Variants in MLIP observed in about 807,000 individuals in gnomAD.
MLIP encodes the protein muscular LMNA interacting protein.
MLIP carries 79 observed loss-of-function variants against 84.8 expected under a neutral mutation model. The observed-to-expected ratio is 0.93, with a 90% CI of 0.78 to 1.12. MLIP has a LOEUF of 1.12. Ranked by LOEUF, MLIP falls within the 50% of genes most tolerant of loss-of-function variation. The probability of loss-of-function intolerance (pLI) is 0.00; values close to 1 mark genes in which losing one functional copy is unlikely to be tolerated. For synonymous variants in MLIP, 504 were observed against 463.0 expected (o/e 1.09, Z -1.14); for missense variants, 1,257 against 1,160.6 (o/e 1.08, Z -1.21).
chr6:54,112,277 A>AT (rs1316175262), intron 1 of MLIP, among the ~76,000 whole-genome samples: 3 of 152,148 alleles, frequency 2.0e-5, no homozygotes, highest in African/African-American at 7.2e-5. Flanking sequence ...AACAGCAAAT[A>AT]TTTTTTTGTT....
chr6:54,070,901 C>T lies in MLIP; in HGVS notation c.64-50546C>T, dbSNP rs188626668. On this transcript the variant is annotated intron_variant, in intron 1 of 12. Transcript: ENST00000274897. ...ATGTCACAGATAGTGCCTAATTCTA[C>T]ACTGGTTGATTGATTATATTCATAA... Among the ~76,000 whole-genome samples the T allele has an allele frequency of 2.3e-3, 343 of 152,186 alleles. 1 individual carries two copies. Among genetic ancestry groups the T allele is most frequent in the African/African-American group, 7.1e-3 (294 of 41,534 alleles).
intron 8 of MLIP, among the ~76,000 whole-genome samples, chr6:54,167,074 C>T (rs1308181231): frequency 2.6e-5 from 4 of 151,908 alleles, no homozygotes; most frequent in Admixed American, 2.0e-4. Flanking sequence ...GGCTTCTGCA[C>T]TACTGAGCCA....
intron 8 of MLIP, among the ~76,000 whole-genome samples, chr6:54,164,164 A>G (rs1159590809): frequency 1.3e-5 from 2 of 151,850 alleles, no homozygotes; most frequent in African/African-American, 4.8e-5. Context: ...GTTACCTTCT[A>G]TGACCTTTCA....
intron 10 of MLIP, among the ~76,000 whole-genome samples, chr6:54,198,147 T>C (rs568970406): frequency 6.6e-6 from 1 of 152,258 alleles, no homozygotes; most frequent in East Asian, 1.9e-4. Context: ...TTTCAACTTT[T>C]AATGTGTACA....
At chr6:54,071,753 T>C (rs1435383302) in intron 1 of MLIP, among the ~76,000 whole-genome samples, 1 of 152,192 alleles carries the variant, frequency 6.6e-6, no homozygotes, top group Non-Finnish European at 1.5e-5. Context: ...ATGAGCTATG[T>C]CTTGTAATTT....
chr6:54,216,471 G>T, intron 11 of MLIP: 1 of 985,322 alleles, frequency 1.0e-6, no homozygotes, highest in South Asian at 4.7e-5. Context: ...CTTTTCCCTT[G>T]AGTGTACCTC....
intron 1 of MLIP, chr6:54,031,742 A>G (rs1764153822): frequency 6.6e-6 from 1 of 152,224 alleles, no homozygotes; most frequent in South Asian, 2.1e-4. Context: ...TTGTTCATGG[A>G]AAATGAGAGA....
Position 54,115,221 on chromosome 6 carries a change from A to G in MLIP, c.96+3646A>G, listed in dbSNP as rs150686458. On this transcript the variant is annotated intron_variant, in intron 1 of 13. Coordinates refer to ENST00000502396, the MANE Select transcript of MLIP (RefSeq NM_001281747.2). ...CCAGGCATGTTTACCTTCCTGGTTC[A>G]GAAATAGAGTAGGTAGGGGATTAGA... is the stretch of plus-strand genomic sequence containing the variant. Among the ~76,000 whole-genome samples, 44 of 152,276 alleles carry G rather than the reference A, an allele frequency of 2.9e-4. No individual in the cohort carries two copies. The East Asian group carries it at 6.0e-3, about 21-fold the overall frequency.
intron 1 of MLIP, among the ~76,000 whole-genome samples, chr6:54,033,921 C>T (rs542957441): frequency 1.8e-4 from 27 of 152,250 alleles, no homozygotes; most frequent in African/African-American, 6.5e-4. Context: ...CTTTAACATT[C>T]TTCTAAATTT....
chr6:54,228,838 C>G (rs1780785223), intron 11 of MLIP, among the ~76,000 whole-genome samples: 1 of 152,214 alleles, frequency 6.6e-6, no homozygotes, highest in Non-Finnish European at 1.5e-5. Flanking sequence ...CTGTCCTTTT[C>G]TCACATAGTT....
intron 1 of MLIP, among the ~76,000 whole-genome samples, chr6:54,102,553 T>C (rs909823562): frequency 2.6e-5 from 4 of 152,146 alleles, no homozygotes; most frequent in Non-Finnish European, 5.9e-5. Flanking sequence ...TTTTTATATG[T>C]GGTATATCTT....
chr6:54,198,730 A>G (rs532554919), intron 10 of MLIP, among the ~76,000 whole-genome samples: 1 of 152,254 alleles, frequency 6.6e-6, no homozygotes, highest in South Asian at 2.1e-4. Flanking sequence ...AAAAACTAAA[A>G]TCTATGTCCA....
intron 1 of MLIP, among the ~76,000 whole-genome samples, chr6:54,087,871 T>A (rs1256922544): frequency 6.6e-6 from 1 of 151,580 alleles, no homozygotes; most frequent in Non-Finnish European, 1.5e-5. Flanking sequence ...TGCCAGAAGA[T>A]CCATCTGCCA....
chr6:54,038,362 T>C (rs915342136), intron 1 of MLIP, among the ~76,000 whole-genome samples: 1 of 151,856 alleles, frequency 6.6e-6, no homozygotes, highest in Non-Finnish European at 1.5e-5. Context: ...ATGGTTTGGA[T>C]TAGTGTTTGT....
At chr6:54,047,848 A>G (rs2150312405) in intron 1 of MLIP, among the ~76,000 whole-genome samples, 1 of 152,348 alleles carries the variant, frequency 6.6e-6, no homozygotes, top group Non-Finnish European at 1.5e-5. Context: ...AGAGATTTTC[A>G]TTGTCCCCCT....
At chr6:54,248,728 C>T (rs936269803) in intron 12 of MLIP, among the ~76,000 whole-genome samples, 9 of 152,050 alleles carry the variant, frequency 5.9e-5, no homozygotes, top group Non-Finnish European at 1.0e-4. Flanking sequence ...AGGAGTTTTC[C>T]GTCATATTTC....
chr6:54,215,582 T>G, intron 11 of MLIP: 2 of 202,632 alleles, frequency 9.9e-6, no homozygotes, highest in Non-Finnish European at 1.8e-5. Flanking sequence ...AATGTAACTA[T>G]TAATGTACTA....
Position 54,174,733 on chromosome 6 carries a change from TAGA to T in MLIP, c.2544+5164_2544+5166del, listed in dbSNP as rs1776111278. On this transcript the variant is annotated intron_variant, in intron 9 of 13. Coordinates refer to ENST00000502396, the MANE Select transcript of MLIP (RefSeq NM_001281747.2). Reference sequence around the variant, plus strand: ...TTTATTGATTGTTTCCTTTGCTGGGTAGAAGCTTTTTAACATGATGTGATCCCA... The same window carrying T: ...TTTATTGATTGTTTCCTTTGCTGGGTAGCTTTTTAACATGATGTGATCCCA... Among the ~76,000 whole-genome samples the T allele has an allele frequency of 2.6e-5, 4 of 151,852 alleles. No individual in the cohort carries two copies. In the South Asian group the frequency reaches 8.3e-4, roughly 31 times the overall value.
chr6:54,229,543 A>T (rs1377589098), intron 11 of MLIP, among the ~76,000 whole-genome samples: 1 of 152,068 alleles, frequency 6.6e-6, no homozygotes. Context: ...GACAAGCCCC[A>T]GTATGTGTTG....
Sources: gnomAD v4.1 joint callset for allele counts (sites outside exome capture counted in the v4.1 genomes callset) on GRCh38, gnomAD v4.1.1 for gene constraint, MANE v1.5 for transcripts, NCBI Gene and HGNC (gene_info 2026-07-23, HGNC 2026-07-21) for gene names.